SGK1: variants seen among roughly 807,000 people sequenced by gnomAD.
The protein encoded by SGK1 is serine/threonine-protein kinase Sgk1.
Under a neutral mutation model 64.2 loss-of-function variants are expected in SGK1, and 26 were observed. The ratio of observed to expected loss-of-function variants is 0.40; its 90% confidence interval spans 0.30 to 0.56. The LOEUF (loss-of-function observed/expected upper bound fraction) is 0.56, where lower values mean the gene tolerates loss of function less well. SGK1 is among the 20% of genes least tolerant of loss of function. SGK1 has a pLI of 0.38. For synonymous variants in SGK1, 265 were observed against 239.7 expected (o/e 1.11, Z -0.98); for missense variants, 519 against 645.6 (o/e 0.80, Z 2.12).
At chr6:134,275,845 T>C (rs1249584057) in intron 1 of SGK1, among the ~76,000 whole-genome samples, 1 of 152,206 alleles carries the variant, frequency 6.6e-6, no homozygotes, top group Non-Finnish European at 1.5e-5. Context: ...ACCTGGAAAC[T>C]CCTGCTCTAA....
chr6:134,191,875 A>T (rs759530982), intron 3 of SGK1, among the ~76,000 whole-genome samples: 13 of 103,946 alleles, frequency 1.3e-4, no homozygotes, highest in Non-Finnish European at 1.9e-4. Flanking sequence ...TCGCTCTGTC[A>T]CCAGGCTGCA....
chr6:134,242,190 G>A (rs1776458760), intron 2 of SGK1, among the ~76,000 whole-genome samples: 2 of 151,844 alleles, frequency 1.3e-5, no homozygotes, highest in African/African-American at 4.8e-5. Context: ...TAGGAATTTT[G>A]AAATTAGGAA....
chr6:134,171,148 T>A lies in SGK1; in HGVS notation c.1198A>T (p.Met400Leu). Residue 400 changes from methionine to leucine, a missense_variant, in exon 12 of 14, where the codon ATG (methionine) becomes TTG (leucine). Around this residue, in one of 2 missense-constraint regions of SGK1, gnomAD observed 278 missense variants for 408.7 expected, o/e 0.68. Coordinates refer to ENST00000367858, the MANE Select transcript of SGK1 (RefSeq NM_001143676.3). ...PPFYSRNTAE[M>L]YDNILNKPLQ... ...GGCTTGTTCAGAATGTTGTCGTACA[T>A]TTCAGCTGTGTTTCGGCTATAAAAA... The A allele has an allele frequency of 6.2e-7, 1 of 1,614,170 alleles. No individual in the cohort carries two copies.
chr6:134,233,847 G>C (rs1302266200), intron 2 of SGK1, among the ~76,000 whole-genome samples: 1 of 147,826 alleles, frequency 6.8e-6, no homozygotes, highest in Non-Finnish European at 1.5e-5. Flanking sequence ...GAAAAACACA[G>C]AACTGGAAAA....
intron 3 of SGK1, among the ~76,000 whole-genome samples, chr6:134,187,890 G>A (rs1446084894): frequency 6.6e-6 from 1 of 152,214 alleles, no homozygotes; most frequent in African/African-American, 2.4e-5. Flanking sequence ...TAATCAGCCT[G>A]CGACCAGGTG....
At chr6:134,214,388 C>T (rs961702674) in intron 2 of SGK1, among the ~76,000 whole-genome samples, 5 of 152,180 alleles carry the variant, frequency 3.3e-5, no homozygotes, top group African/African-American at 1.2e-4. Context: ...GTCAGGCGTT[C>T]GAGACCAGCC....
intron 1 of SGK1, among the ~76,000 whole-genome samples, chr6:134,285,424 G>A (rs1777167928): frequency 6.7e-6 from 1 of 149,484 alleles, no homozygotes; most frequent in African/African-American, 2.5e-5. Flanking sequence ...GTTGCAGCGA[G>A]CTGAGATCCT....
At chr6:134,278,292 A>T (rs943883680) in intron 1 of SGK1, among the ~76,000 whole-genome samples, 3 of 152,282 alleles carry the variant, frequency 2.0e-5, no homozygotes, top group Non-Finnish European at 4.4e-5. Flanking sequence ...AAAATCCACA[A>T]GGCTTTTAAG....
chr6:134,208,896 G>GTATATA (rs35364662), intron 2 of SGK1, among the ~76,000 whole-genome samples: 82,399 of 147,274 alleles, frequency 0.56, 27,365 homozygotes, highest in South Asian at 0.82. Context: ...GTATGTGTGT[G>GTATATA]TATATATATA....
Position 134,317,497 on chromosome 6 carries a change from T to C in SGK1, c.-37A>G, listed in dbSNP as rs372657241. On this transcript the variant is annotated 5_prime_UTR_variant, in exon 1 of 14. Transcript: ENST00000367858. ...GGGAATTCACAGTTATAGATCCAGGTTGGCACCCGCCTGGTTAGTGCATAT... is the reference window on the plus strand; with the variant it reads ...GGGAATTCACAGTTATAGATCCAGGCTGGCACCCGCCTGGTTAGTGCATAT... 5 of 1,352,752 alleles carry C rather than the reference T, an allele frequency of 3.7e-6. No individual in the cohort carries two copies. Among genetic ancestry groups the C allele is most frequent in the African/African-American group, 2.9e-5 (2 of 69,920 alleles). The allele number at this position is 1,352,752 out of a possible 1,614,324, so 83.8% of individuals were successfully genotyped here.
intron 2 of SGK1, among the ~76,000 whole-genome samples, chr6:134,215,891 C>T (rs183342644): frequency 1.8e-4 from 28 of 152,168 alleles, no homozygotes; most frequent in African/African-American, 6.7e-4. Flanking sequence ...TGGTGCATGT[C>T]TGTAATCCCA....
chr6:134,194,492 T>C (rs1775566041), intron 3 of SGK1, among the ~76,000 whole-genome samples: 1 of 151,872 alleles, frequency 6.6e-6, no homozygotes, highest in African/African-American at 2.4e-5. Context: ...TCAAATAAGC[T>C]GTTAAATTCA....
chr6:134,300,152 G>A (rs931716624), intron 1 of SGK1, among the ~76,000 whole-genome samples: 1 of 152,140 alleles, frequency 6.6e-6, no homozygotes, highest in African/African-American at 2.4e-5. Flanking sequence ...TTTGTCTAAA[G>A]TGCTGTAATT....
intron 3 of SGK1, among the ~76,000 whole-genome samples, chr6:134,206,401 TTTTTTTA>T (rs1562250514): frequency 1.7e-5 from 2 of 121,034 alleles, no homozygotes; most frequent in African/African-American, 6.5e-5. Flanking sequence ...TTTTTTTTTT[TTTTTTTA>T]AATGACAGGC....
intron 5 of SGK1, 35 bp from the exon 6 acceptor site, chr6:134,173,601 A>G (rs368275268): frequency 1.4e-5 from 20 of 1,409,312 alleles, no homozygotes; most frequent in African/African-American, 1.2e-4. Flanking sequence ...TTTTAATACC[A>G]TTGCTTCAAA....
At chr6:134,258,924 G>A (rs1776723403) in intron 2 of SGK1, among the ~76,000 whole-genome samples, 1 of 152,090 alleles carries the variant, frequency 6.6e-6, no homozygotes, top group Non-Finnish European at 1.5e-5. Flanking sequence ...GGAGGTCGAG[G>A]CTGCAGTGAG....
chr6:134,189,326 T>C (rs1775473391), intron 3 of SGK1, among the ~76,000 whole-genome samples: 1 of 151,922 alleles, frequency 6.6e-6, no homozygotes, highest in Admixed American at 6.6e-5. Flanking sequence ...TCACAGAAGA[T>C]ACAAATGGAA....
chr6:134,246,154 T>TC (rs1238639421), intron 2 of SGK1, among the ~76,000 whole-genome samples: 2 of 151,836 alleles, frequency 1.3e-5, no homozygotes, highest in South Asian at 2.1e-4. Flanking sequence ...TTCTTTTTTT[T>TC]CTTTTTTTTT....
intron 1 of SGK1, among the ~76,000 whole-genome samples, chr6:134,306,241 G>T (rs984666635): frequency 7.9e-5 from 12 of 151,964 alleles, no homozygotes; most frequent in Non-Finnish European, 1.5e-4. Context: ...TGGCCAACAT[G>T]GTGAAACCCC....
Sources: allele counts gnomAD v4.1 joint callset (sites outside exome capture counted in the v4.1 genomes callset), GRCh38; gene constraint gnomAD v4.1.1; regional missense constraint gnomAD v4.1.1; transcripts MANE v1.5; gene names NCBI Gene and HGNC (gene_info 2026-07-23, HGNC 2026-07-21).